SCFD2: variants seen among roughly 807,000 people sequenced by gnomAD.
SCFD2 encodes the protein sec1 family domain containing 2, also known as sec1 family domain-containing protein 2.
In SCFD2, 54 loss-of-function variants were observed where a neutral mutation model predicts 58.9. The observed-to-expected ratio is 0.92, with a 90% CI of 0.74 to 1.15. The LOEUF is 1.15. SCFD2 is among the 50% of genes most tolerant of loss of function. The probability of loss-of-function intolerance (pLI) is 0.00; values close to 1 mark genes in which losing one functional copy is unlikely to be tolerated. For synonymous variants in SCFD2, 321 were observed against 335.9 expected, an observed-to-expected ratio of 0.96 and a Z score of 0.49; for missense variants, 805 against 836.6, an observed-to-expected ratio of 0.96 and a Z score of 0.47.
intron 7 of SCFD2, among the ~76,000 whole-genome samples, chr4:52,891,318 G>A (rs567823846): frequency 6.6e-6 from 1 of 152,332 alleles, no homozygotes; most frequent in South Asian, 2.1e-4. Context: ...ATGTTTTAGT[G>A]GAGGGAGAGT....
At chr4:53,233,881 A>G (rs1282698282) in intron 4 of SCFD2, among the ~76,000 whole-genome samples, 4 of 152,200 alleles carry the variant, frequency 2.6e-5, no homozygotes, top group East Asian at 3.9e-4. Context: ...CTTACTGAGG[A>G]GTAAAACTCA....
At chr4:52,902,826 C>T (rs899751606) in intron 7 of SCFD2, among the ~76,000 whole-genome samples, 2 of 152,148 alleles carry the variant, frequency 1.3e-5, no homozygotes, top group African/African-American at 4.8e-5. Context: ...TGGGTTCTAA[C>T]CAAGGTAGTG....
chr4:53,185,179 T>G (rs781313211), intron 4 of SCFD2, among the ~76,000 whole-genome samples: 64 of 152,042 alleles, frequency 4.2e-4, no homozygotes, highest in Non-Finnish European at 7.2e-4. Context: ...TGATAATCCT[T>G]TGTGATATTA....
intron 3 of SCFD2, among the ~76,000 whole-genome samples, chr4:53,281,694 T>C (rs1351577716): frequency 2.0e-5 from 3 of 152,234 alleles, no homozygotes; most frequent in Non-Finnish European, 4.4e-5. Context: ...CGAAATAGTC[T>C]ATAAGCAAAC....
chr4:53,128,813 T>A, intron 5 of SCFD2, among the ~76,000 whole-genome samples: 1 of 152,194 alleles, frequency 6.6e-6, no homozygotes, highest in East Asian at 1.9e-4. Context: ...GGTGCACTGT[T>A]TCTATGATTT....
intron 1 of SCFD2, among the ~76,000 whole-genome samples, chr4:53,357,266 T>C (rs1487019576): frequency 1.3e-5 from 2 of 151,492 alleles, no homozygotes. Flanking sequence ...TACTAAAAAA[T>C]ATATATATAT....
At chr4:53,130,572 C>T (rs149855791) in intron 5 of SCFD2, among the ~76,000 whole-genome samples, 1,706 of 152,134 alleles carry the variant, frequency 0.011, 22 homozygotes, top group Non-Finnish European at 0.015. Context: ...CAAATCCCTT[C>T]CCCCATCTCC....
intron 4 of SCFD2, among the ~76,000 whole-genome samples, chr4:53,215,490 G>C (rs1315572574): frequency 1.3e-5 from 2 of 152,130 alleles, no homozygotes; most frequent in Non-Finnish European, 2.9e-5. Flanking sequence ...TTTGCACATT[G>C]ATTTTGTATC....
At chr4:52,876,855 C>T (rs570915825) in intron 8 of SCFD2, among the ~76,000 whole-genome samples, 5 of 150,870 alleles carry the variant, frequency 3.3e-5, no homozygotes, top group East Asian at 2.0e-4. Context: ...GTAGGTTCTT[C>T]GGAGGTGGTA....
At chr4:53,150,603 G>T (rs1726476238) in intron 4 of SCFD2, among the ~76,000 whole-genome samples, 1 of 152,190 alleles carries the variant, frequency 6.6e-6, no homozygotes, top group Non-Finnish European at 1.5e-5. Context: ...TAATAATAAG[G>T]ATGTGGGAAT....
chr4:53,351,807 G>A (rs1734228481), intron 2 of SCFD2, among the ~76,000 whole-genome samples: 2 of 152,142 alleles, frequency 1.3e-5, no homozygotes, highest in South Asian at 4.1e-4. Context: ...AACTTCAGGA[G>A]CTACATATAC....
At chr4:53,330,796 C>T (rs1414215153) in intron 2 of SCFD2, among the ~76,000 whole-genome samples, 1 of 152,104 alleles carries the variant, frequency 6.6e-6, no homozygotes, top group South Asian at 2.1e-4. Flanking sequence ...AAGACACAGA[C>T]TGGCAAATTG....
At chr4:53,133,494 T>G (rs1030244906) in intron 5 of SCFD2, among the ~76,000 whole-genome samples, 2 of 152,194 alleles carry the variant, frequency 1.3e-5, no homozygotes, top group Non-Finnish European at 2.9e-5. Context: ...CCATGCCTTG[T>G]GCTAATGGAG....
chr4:53,258,577 T>TACACAC (rs1553893403), intron 4 of SCFD2, among the ~76,000 whole-genome samples: 1 of 121,368 alleles, frequency 8.2e-6, no homozygotes, highest in African/African-American at 3.2e-5. Flanking sequence ...TATATATATA[T>TACACAC]ACACACACAT....
intron 4 of SCFD2, among the ~76,000 whole-genome samples, chr4:53,218,617 C>T (rs375394213): frequency 9.4e-4 from 143 of 152,266 alleles, no homozygotes; most frequent in Admixed American, 2.5e-3. Flanking sequence ...GAAGTTTGAT[C>T]GTCTGAAGCC....
At chr4:53,172,282 C>T (rs1198495202) in intron 4 of SCFD2, among the ~76,000 whole-genome samples, 3 of 152,072 alleles carry the variant, frequency 2.0e-5, no homozygotes, top group Non-Finnish European at 4.4e-5. Flanking sequence ...GGATTACAGG[C>T]GTGAGCCACC....
At chr4:52,929,643 T>C (rs1483345648) in intron 5 of SCFD2, among the ~76,000 whole-genome samples, 2 of 152,158 alleles carry the variant, frequency 1.3e-5, no homozygotes, top group African/African-American at 4.8e-5. Context: ...TAAAGGCAAG[T>C]TTGCCTGGCA....
At chr4:52,955,441 C>CT (rs1720689411) in intron 5 of SCFD2, among the ~76,000 whole-genome samples, 1 of 152,230 alleles carries the variant, frequency 6.6e-6, no homozygotes, top group South Asian at 2.1e-4. Flanking sequence ...GGTAGACCCT[C>CT]TGGTAAGCCC....
chr4:53,127,377 A>T (rs1399166713), intron 5 of SCFD2, among the ~76,000 whole-genome samples: 1 of 152,164 alleles, frequency 6.6e-6, no homozygotes, highest in Non-Finnish European at 1.5e-5. Context: ...TTATTCATGC[A>T]ATAAATATTT....
Sources: allele counts gnomAD v4.1 joint callset (sites outside exome capture counted in the v4.1 genomes callset), GRCh38; gene constraint gnomAD v4.1.1; transcripts MANE v1.5; gene names NCBI Gene and HGNC (gene_info 2026-07-23, HGNC 2026-07-21).